MDGA2: variants seen among roughly 807,000 people sequenced by gnomAD.
MDGA2 encodes the protein MAM domain-containing glycosylphosphatidylinositol anchor protein 2.
MDGA2 carries 40 observed loss-of-function variants against 117.8 expected under a neutral mutation model. That is an observed-to-expected ratio of 0.34 (90% CI 0.26 to 0.44). The LOEUF (loss-of-function observed/expected upper bound fraction) is 0.44. Ranked by LOEUF, MDGA2 falls within the 20% of genes least tolerant of loss-of-function variation. The pLI, the probability that MDGA2 is intolerant of heterozygous loss-of-function variation, is 1.00. For missense variants in MDGA2, 1,123 were observed against 1,250.6 expected, an observed-to-expected ratio of 0.90 and a Z score of 1.54; for synonymous variants, 452 against 439.0, an observed-to-expected ratio of 1.03 and a Z score of -0.37.
intron 2 of MDGA2, among the ~76,000 whole-genome samples, chr14:47,230,922 T>C (rs1450326672): frequency 1.3e-5 from 2 of 151,966 alleles, no homozygotes; most frequent in Non-Finnish European, 2.9e-5. Flanking sequence ...TTCAACCCAC[T>C]AGATTAATGT....
chr14:46,874,602 A>C lies in MDGA2; in HGVS notation c.2438-402T>G, dbSNP rs377703729. Reference sequence around the variant, plus strand: ...TATTAATTTACCTGAGGGTAGTTTTAAATTGGTATACTTTAAGTTTATAAT... The same window carrying C: ...TATTAATTTACCTGAGGGTAGTTTTCAATTGGTATACTTTAAGTTTATAAT... On this transcript the variant is annotated intron_variant, in intron 12 of 16. Coordinates refer to ENST00000399232, the MANE Select transcript of MDGA2 (RefSeq NM_001113498.3). Among the ~76,000 whole-genome samples the C allele has an allele frequency of 3.9e-5, 6 of 152,018 alleles. No individual in the cohort carries two copies. The South Asian group carries it at 6.2e-4, about 16-fold the overall frequency.
intron 1 of MDGA2, among the ~76,000 whole-genome samples, chr14:47,416,350 C>T (rs1892475629): frequency 1.3e-5 from 2 of 152,118 alleles, no homozygotes; most frequent in Non-Finnish European, 1.5e-5. Context: ...GAGTCCAAAA[C>T]CTTAATTTTC....
At chr14:47,203,009 T>G (rs1469227084) in intron 3 of MDGA2, among the ~76,000 whole-genome samples, 1 of 152,020 alleles carries the variant, frequency 6.6e-6, no homozygotes, top group Non-Finnish European at 1.5e-5. Context: ...TCATGTTCAA[T>G]TTGAAGCTAA....
chr14:47,451,543 A>T (rs1317598418), intron 1 of MDGA2, among the ~76,000 whole-genome samples: 1 of 152,118 alleles, frequency 6.6e-6, no homozygotes, highest in Non-Finnish European at 1.5e-5. Context: ...AAACTAAAGG[A>T]ATCTTTGAGG....
At chr14:47,262,088 C>T (rs565146250) in intron 2 of MDGA2, among the ~76,000 whole-genome samples, 1 of 152,130 alleles carries the variant, frequency 6.6e-6, no homozygotes, top group Non-Finnish European at 1.5e-5. Context: ...GACATTTCAA[C>T]TACAAAACCA....
chr14:47,406,059 T>C (rs1892253700), intron 1 of MDGA2, among the ~76,000 whole-genome samples: 1 of 152,144 alleles, frequency 6.6e-6, no homozygotes, highest in Non-Finnish European at 1.5e-5. Context: ...TTGATCTCTT[T>C]ATGTGGAAAT....
chr14:47,582,877 C>T (rs1048230062), intron 1 of MDGA2, among the ~76,000 whole-genome samples: 1 of 151,884 alleles, frequency 6.6e-6, no homozygotes, highest in Admixed American at 6.6e-5. Flanking sequence ...CAACTTCAAC[C>T]TCTTTGTCAG....
chr14:47,164,855 T>C (rs919728450), intron 3 of MDGA2, among the ~76,000 whole-genome samples: 1 of 152,168 alleles, frequency 6.6e-6, no homozygotes, highest in African/African-American at 2.4e-5. Context: ...CCAACCCAAA[T>C]GTCCAACAAT....
At chr14:46,931,214 C>CAAAAAAAAAA (rs34493526) in intron 9 of MDGA2, among the ~76,000 whole-genome samples, 1 of 76,288 alleles carries the variant, frequency 1.3e-5, no homozygotes. Flanking sequence ...GACTACATCT[C>CAAAAAAAAAA]AAAAAAAAAA....
At position 47,336,769 on chromosome 14, in the gene MDGA2, A is replaced by C. The variant is rs1322317596; in HGVS notation, c.281-35219T>G. ...ATGGTATGCTTCTTTAATAGTGCTCAAAAGAAGTAGTTAATTATATTTATT... is the reference window on the plus strand; with the variant it reads ...ATGGTATGCTTCTTTAATAGTGCTCCAAAGAAGTAGTTAATTATATTTATT... On this transcript the variant is annotated intron_variant, in intron 1 of 16. Transcript: ENST00000399232. 2.0e-5 allele frequency among the ~76,000 whole-genome samples: 3 copies of C among 152,116 alleles called. No individual in the cohort carries two copies. The East Asian group carries it at 5.8e-4, about 29-fold the overall frequency.
chr14:47,036,293 A>C (rs946626699), intron 7 of MDGA2, among the ~76,000 whole-genome samples: 10 of 147,470 alleles, frequency 6.8e-5, no homozygotes, highest in Non-Finnish European at 1.5e-4. Context: ...AAAAAAAAAA[A>C]GAATTATAAT....
chr14:47,561,158 G>GTTTTTTTTTTTTTGTTTTTTTTT (rs200625450), intron 1 of MDGA2, among the ~76,000 whole-genome samples: 1 of 55,076 alleles, frequency 1.8e-5, no homozygotes, highest in Non-Finnish European at 4.3e-5. Context: ...TTTTTGTTTT[G>GTTTTTTTTTTTTTGTTTTTTTTT]TTTTGTTTTT....
chr14:47,561,382 T>C (rs1895813827), intron 1 of MDGA2, among the ~76,000 whole-genome samples: 1 of 152,142 alleles, frequency 6.6e-6, no homozygotes, highest in African/African-American at 2.4e-5. Context: ...GTTTTCCTAA[T>C]TGTTCATATC....
At chr14:47,132,550 CTT>C (rs1362349579) in intron 4 of MDGA2, among the ~76,000 whole-genome samples, 1 of 151,730 alleles carries the variant, frequency 6.6e-6, no homozygotes, top group Non-Finnish European at 1.5e-5. Flanking sequence ...CTAACAAACT[CTT>C]GATGAACCAA....
At chr14:47,580,379 C>T (rs1896207747) in intron 1 of MDGA2, among the ~76,000 whole-genome samples, 2 of 151,950 alleles carry the variant, frequency 1.3e-5, no homozygotes, top group African/African-American at 4.8e-5. Context: ...GAGGGCATTG[C>T]CCTTATGATC....
chr14:47,342,523 C>A (rs7154882), intron 1 of MDGA2, among the ~76,000 whole-genome samples: 1 of 151,830 alleles, frequency 6.6e-6, no homozygotes, highest in Non-Finnish European at 1.5e-5. Context: ...AAACCTAGAA[C>A]TAGGAAAATA....
intron 1 of MDGA2, among the ~76,000 whole-genome samples, chr14:47,310,307 T>C (rs954376561): frequency 6.6e-6 from 1 of 152,108 alleles, no homozygotes; most frequent in Non-Finnish European, 1.5e-5. Context: ...TTCTGACAAG[T>C]ATGCCAGAGA....
intron 1 of MDGA2, among the ~76,000 whole-genome samples, chr14:47,651,338 G>A (rs991687865): frequency 6.6e-6 from 1 of 151,802 alleles, no homozygotes; most frequent in Admixed American, 6.6e-5. Flanking sequence ...TCGGAGCAAT[G>A]GATAAGCACA....
chr14:46,986,083 T>C (rs1886848460), intron 8 of MDGA2, among the ~76,000 whole-genome samples: 1 of 152,074 alleles, frequency 6.6e-6, no homozygotes, highest in African/African-American at 2.4e-5. Context: ...CTGAGGAATC[T>C]TGCTAAAATA....
Sources: allele counts gnomAD v4.1 joint callset (sites outside exome capture counted in the v4.1 genomes callset), GRCh38; gene constraint gnomAD v4.1.1; transcripts MANE v1.5; gene names NCBI Gene and HGNC (gene_info 2026-07-23, HGNC 2026-07-21).